LRRTM4: variants seen among roughly 807,000 people sequenced by gnomAD.
The protein encoded by LRRTM4 is leucine-rich repeat transmembrane neuronal protein 4.
Under a neutral mutation model 47.6 loss-of-function variants are expected in LRRTM4, and 25 were observed. That is an observed-to-expected ratio of 0.53 (90% CI 0.38 to 0.73). The LOEUF (loss-of-function observed/expected upper bound fraction) is 0.73, where lower values mean the gene tolerates loss of function less well. Among genes scored for constraint, LRRTM4 ranks in the 30% least tolerant of loss-of-function variants. The pLI is 0.00. For missense variants in LRRTM4, 638 were observed against 713.4 expected (o/e 0.89, Z 1.20); for synonymous variants, 311 against 269.5 (o/e 1.15, Z -1.51).
intron 3 of LRRTM4, among the ~76,000 whole-genome samples, chr2:77,285,456 T>C (rs532099412): frequency 1.3e-5 from 2 of 149,626 alleles, no homozygotes; most frequent in African/African-American, 4.9e-5. Context: ...TAAAAATAGA[T>C]CCTGGCCAGG....
At chr2:76,843,839 A>G (rs1211001317) in intron 3 of LRRTM4, among the ~76,000 whole-genome samples, 1 of 151,994 alleles carries the variant, frequency 6.6e-6, no homozygotes, top group Non-Finnish European at 1.5e-5. Context: ...TAAAAACAAC[A>G]TCAATACTAG....
chr2:77,178,619 A>G (rs1408420283), intron 3 of LRRTM4, among the ~76,000 whole-genome samples: 1 of 151,868 alleles, frequency 6.6e-6, no homozygotes, highest in Admixed American at 6.6e-5. Flanking sequence ...ACAACAACAA[A>G]TAATACTTTT....
At chr2:77,185,329 T>C (rs1378368218) in intron 3 of LRRTM4, among the ~76,000 whole-genome samples, 1 of 152,082 alleles carries the variant, frequency 6.6e-6, no homozygotes, top group African/African-American at 2.4e-5. Flanking sequence ...CACTTGGCCA[T>C]AGATCAAAGT....
intron 3 of LRRTM4, among the ~76,000 whole-genome samples, chr2:77,501,869 T>C (rs1922820): frequency 0.073 from 11,117 of 151,384 alleles, 1,107 homozygotes; most frequent in East Asian, 0.54. Context: ...GTGTCACTAG[T>C]AGTCACAGTG....
intron 3 of LRRTM4, among the ~76,000 whole-genome samples, chr2:77,011,382 C>T (rs1199421499): frequency 6.6e-6 from 1 of 151,962 alleles, no homozygotes; most frequent in Non-Finnish European, 1.5e-5. Flanking sequence ...GGATAGAATA[C>T]AGCTGGGATA....
chr2:77,048,497 C>T lies in LRRTM4; in HGVS notation c.1552-299581G>A, dbSNP rs571531326. On this transcript the variant is annotated intron_variant, in intron 3 of 3. Transcript: ENST00000409884. ...CTTGAAAATTCAACTGGAGAATTTCCATATGCATATGATTAAAACCATGCT... is the reference window on the plus strand; with the variant it reads ...CTTGAAAATTCAACTGGAGAATTTCTATATGCATATGATTAAAACCATGCT... 4.6e-5 allele frequency among the ~76,000 whole-genome samples: 7 copies of T among 152,030 alleles called. No individual in the cohort carries two copies. In the East Asian group the frequency reaches 9.7e-4, roughly 21 times the overall value.
chr2:77,503,600 G>A (rs1357413745), intron 3 of LRRTM4, among the ~76,000 whole-genome samples: 2 of 151,546 alleles, frequency 1.3e-5, no homozygotes, highest in Admixed American at 6.6e-5. Context: ...TGTATTCTGT[G>A]TGTGTAAATG....
At chr2:76,917,960 C>G (rs914800651) in intron 3 of LRRTM4, among the ~76,000 whole-genome samples, 2 of 152,140 alleles carry the variant, frequency 1.3e-5, no homozygotes, top group African/African-American at 4.8e-5. Context: ...CAAATATCTT[C>G]TATCTGGAAC....
intron 3 of LRRTM4, among the ~76,000 whole-genome samples, chr2:77,004,476 A>G (rs1280542369): frequency 1.3e-5 from 2 of 152,138 alleles, no homozygotes; most frequent in East Asian, 3.9e-4. Context: ...GAGGTTTGTG[A>G]ACCTTTGCCT....
intron 3 of LRRTM4, among the ~76,000 whole-genome samples, chr2:76,905,342 C>A (rs1232878374): frequency 1.3e-5 from 2 of 152,078 alleles, no homozygotes; most frequent in Non-Finnish European, 2.9e-5. Context: ...CACCAAAATC[C>A]CATCTGTACA....
intron 3 of LRRTM4, among the ~76,000 whole-genome samples, chr2:76,937,208 A>C (rs891556455): frequency 1.3e-5 from 2 of 152,122 alleles, no homozygotes; most frequent in African/African-American, 4.8e-5. Context: ...TTTATGGACC[A>C]AAATTTAACC....
At chr2:77,379,667 G>A (rs1466827268) in intron 3 of LRRTM4, among the ~76,000 whole-genome samples, 2 of 151,862 alleles carry the variant, frequency 1.3e-5, no homozygotes, top group Non-Finnish European at 2.9e-5. Flanking sequence ...TTACGCCTTT[G>A]TGATAATTCT....
At chr2:77,059,641 G>C (rs1411361461) in intron 3 of LRRTM4, among the ~76,000 whole-genome samples, 1 of 152,086 alleles carries the variant, frequency 6.6e-6, no homozygotes, top group Non-Finnish European at 1.5e-5. Context: ...ACACTATTCT[G>C]TTATGGGCAT....
chr2:77,192,193 C>A (rs1673688533), intron 3 of LRRTM4, among the ~76,000 whole-genome samples: 1 of 152,066 alleles, frequency 6.6e-6, no homozygotes, highest in Non-Finnish European at 1.5e-5. Context: ...TTAAAACCTA[C>A]ATTTTTAATT....
intron 3 of LRRTM4, among the ~76,000 whole-genome samples, chr2:77,461,750 G>T (rs1206150595): frequency 1.3e-5 from 2 of 151,996 alleles, no homozygotes; most frequent in Non-Finnish European, 2.9e-5. Context: ...TTCTGAGCAT[G>T]CCCTGCTCTG....
At position 77,161,427 on chromosome 2, in the gene LRRTM4, C is replaced by T. The variant is rs574279347; in HGVS notation, c.1551+356891G>A. On this transcript the variant is annotated intron_variant, in intron 3 of 3. Transcript: ENST00000409884. Reference sequence around the variant, plus strand: ...GATGCCTCAGCGAGGTGGCTTTGAGCAGTATCTCCCATCCTCCTGGTTCGG... The same window carrying T: ...GATGCCTCAGCGAGGTGGCTTTGAGTAGTATCTCCCATCCTCCTGGTTCGG... Among the ~76,000 whole-genome samples, 10 of 152,272 alleles carry T rather than the reference C, an allele frequency of 6.6e-5. No individual in the cohort carries two copies. The East Asian group carries it at 1.4e-3, about 21-fold the overall frequency.
intron 3 of LRRTM4, among the ~76,000 whole-genome samples, chr2:77,439,547 G>A (rs920670333): frequency 6.6e-6 from 1 of 151,914 alleles, no homozygotes; most frequent in Admixed American, 6.6e-5. Flanking sequence ...AAAATCTATT[G>A]TGTGAGACAA....
intron 3 of LRRTM4, among the ~76,000 whole-genome samples, chr2:76,822,954 G>A (rs1671094633): frequency 1.3e-5 from 2 of 151,254 alleles, no homozygotes; most frequent in Admixed American, 1.3e-4. Context: ...AAAAAACAAT[G>A]CGCACAAAAC....
chr2:77,426,468 A>G (rs1208972961), intron 3 of LRRTM4, among the ~76,000 whole-genome samples: 10 of 152,092 alleles, frequency 6.6e-5, no homozygotes, highest in Non-Finnish European at 1.5e-4. Flanking sequence ...AAATTTGCCA[A>G]CTTTCCCATT....
Sources: gnomAD v4.1 joint callset for allele counts (sites outside exome capture counted in the v4.1 genomes callset) on GRCh38, gnomAD v4.1.1 for gene constraint, MANE v1.5 for transcripts, NCBI Gene and HGNC (gene_info 2026-07-23, HGNC 2026-07-21) for gene names.